Variants in TUSC3 observed in about 807,000 individuals in gnomAD.
The protein encoded by TUSC3 is dolichyl-diphosphooligosaccharide--protein glycosyltransferase subunit TUSC3.
Under a neutral mutation model 44.8 loss-of-function variants are expected in TUSC3, and 45 were observed. That is an observed-to-expected ratio of 1.00 (90% confidence interval 0.79 to 1.29). The LOEUF (loss-of-function observed/expected upper bound fraction) is 1.29. Among genes scored for constraint, TUSC3 ranks in the 50% most tolerant of loss-of-function variants. The pLI is 0.00. For synonymous variants in TUSC3, 212 were observed against 152.9 expected, an observed-to-expected ratio of 1.39 and a Z score of -2.85; for missense variants, 519 against 437.9, an observed-to-expected ratio of 1.19 and a Z score of -1.65.
intron 1 of TUSC3, among the ~76,000 whole-genome samples, chr8:15,482,495 G>T (rs1222117924): frequency 6.6e-6 from 1 of 152,166 alleles, no homozygotes. Flanking sequence ...TCACTGTTGA[G>T]ACCTGCTGCT....
chr8:15,553,267 T>C (rs1802119650), intron 1 of TUSC3, among the ~76,000 whole-genome samples: 1 of 151,684 alleles, frequency 6.6e-6, no homozygotes, highest in African/African-American at 2.4e-5. Flanking sequence ...TTCATGGTGG[T>C]GGATAAAAAT....
chr8:15,634,921 C>T lies in TUSC3; in HGVS notation c.308+11672C>T, dbSNP rs950982833. The stretch of plus-strand genomic sequence containing the variant: ...GACTGATTACATCCTTCACTTTGGC[C>T]TCCGTAGGCCACTGCAGGAGGGCTT... On this transcript the variant is annotated intron_variant, in intron 2 of 10. Coordinates refer to ENST00000503731, the MANE Select transcript of TUSC3 (RefSeq NM_006765.4). Among the ~76,000 whole-genome samples the T allele has an allele frequency of 2.6e-5, 4 of 152,192 alleles. No homozygotes were observed. The East Asian group carries it at 7.7e-4, about 29-fold the overall frequency.
chr8:15,842,094 A>C, the TUSC3 span, among the ~76,000 whole-genome samples: 1 of 152,206 alleles, frequency 6.6e-6, no homozygotes. Context: ...ATAATAAAAT[A>C]ATCAGTCAAC....
At chr8:15,581,048 C>G (rs888918108) in intron 1 of TUSC3, among the ~76,000 whole-genome samples, 11 of 119,000 alleles carry the variant, frequency 9.2e-5, no homozygotes, top group Admixed American at 5.4e-4. Context: ...AACTTCCCTT[C>G]TCGCTTCATT....
Position 15,719,495 on chromosome 8 carries a change from T to TCA in TUSC3, c.799-11151_799-11150dup, listed in dbSNP as rs60355164. Reference sequence around the variant, plus strand: ...CTTTGCACTTATAGTATACAGTTCATCACACACACACACACACACACCACA... The same window carrying TCA: ...CTTTGCACTTATAGTATACAGTTCATCACACACACACACACACACACACCACA... On this transcript the variant is annotated intron_variant, in intron 6 of 10. Transcript: ENST00000503731. Among the ~76,000 whole-genome samples the TCA allele has an allele frequency of 5.7e-3, 830 of 145,320 alleles. 8 individuals carry two copies. Among genetic ancestry groups the TCA allele is most frequent in the South Asian group, 0.022 (98 of 4,436 alleles).
At chr8:15,417,562 A>G (rs932620522) in intron 1 of TUSC3, among the ~76,000 whole-genome samples, 4 of 152,228 alleles carry the variant, frequency 2.6e-5, no homozygotes, top group Non-Finnish European at 4.4e-5. Context: ...AAGTCACTGA[A>G]GGCTTTCAAT....
the TUSC3 span, among the ~76,000 whole-genome samples, chr8:15,797,907 G>T: frequency 6.6e-6 from 1 of 151,636 alleles, no homozygotes; most frequent in Admixed American, 6.6e-5. Context: ...GTCCTGTTAG[G>T]TTTTTTTTTC....
intron 2 of TUSC3, among the ~76,000 whole-genome samples, chr8:15,508,323 A>C (rs1489554080): frequency 1.3e-5 from 2 of 152,112 alleles, no homozygotes; most frequent in African/African-American, 4.8e-5. Flanking sequence ...GTTGGATGTG[A>C]TATCCTATTA....
chr8:15,814,908 T>C, the TUSC3 span, among the ~76,000 whole-genome samples: 1 of 152,200 alleles, frequency 6.6e-6, no homozygotes, highest in Non-Finnish European at 1.5e-5. Context: ...CCTTGCATGC[T>C]AAATGTTGCT....
intron 1 of TUSC3, among the ~76,000 whole-genome samples, chr8:15,482,195 C>G (rs902533269): frequency 6.6e-6 from 1 of 152,162 alleles, no homozygotes; most frequent in African/African-American, 2.4e-5. Context: ...TCTCAGGCTC[C>G]ACTTCTAGTT....
chr8:15,778,024 A>G, the TUSC3 span, among the ~76,000 whole-genome samples: 2 of 151,124 alleles, frequency 1.3e-5, no homozygotes, highest in Non-Finnish European at 2.9e-5. Flanking sequence ...TACCAATCCT[A>G]GTAGGATTGT....
intron 2 of TUSC3, among the ~76,000 whole-genome samples, chr8:15,506,487 A>G (rs1801051777): frequency 6.6e-6 from 1 of 152,192 alleles, no homozygotes; most frequent in South Asian, 2.1e-4. Flanking sequence ...TCATGCTGTT[A>G]TGAAGAAATA....
chr8:15,583,379 A>G (rs890338334), intron 1 of TUSC3, among the ~76,000 whole-genome samples: 12 of 152,212 alleles, frequency 7.9e-5, no homozygotes, highest in African/African-American at 2.2e-4. Context: ...GCTAGCGCAG[A>G]GAAGATTGAC....
At position 15,729,999 on chromosome 8, in the gene TUSC3, A is replaced by G. The variant is rs1336687789; in HGVS notation, c.799-667A>G. Among the ~76,000 whole-genome samples, 5 of 152,202 alleles carry G rather than the reference A, an allele frequency of 3.3e-5. No individual in the cohort carries two copies. The East Asian group carries it at 9.7e-4, about 29-fold the overall frequency. On this transcript the variant is annotated intron_variant, in intron 6 of 10. Coordinates refer to ENST00000503731, the MANE Select transcript of TUSC3 (RefSeq NM_006765.4). ...TTTTTTTCTCCAGTTTTTTTATATA[A>G]ATAGAAAATAGGACATTTATTTAAA... is the stretch of plus-strand genomic sequence containing the variant.
chr8:15,833,412 C>T, the TUSC3 span, among the ~76,000 whole-genome samples: 85,742 of 152,024 alleles, frequency 0.56, 26,724 homozygotes, highest in Non-Finnish European at 0.72. Flanking sequence ...TACACACATA[C>T]GTTTATTCCA....
At chr8:15,618,436 T>C (rs1585158842) in intron 1 of TUSC3, among the ~76,000 whole-genome samples, 2 of 152,348 alleles carry the variant, frequency 1.3e-5, no homozygotes, top group South Asian at 4.1e-4. Context: ...TTTTATACTT[T>C]ATTGTTGAAA....
chr8:15,563,557 A>C (rs775618432), intron 1 of TUSC3, among the ~76,000 whole-genome samples: 13 of 151,890 alleles, frequency 8.6e-5, no homozygotes, highest in Non-Finnish European at 1.6e-4. Flanking sequence ...GTGGTGGCGC[A>C]TGCCTGTAAT....
chr8:15,522,352 C>G (rs899085202), intron 2 of TUSC3, among the ~76,000 whole-genome samples: 1 of 152,028 alleles, frequency 6.6e-6, no homozygotes, highest in South Asian at 2.1e-4. Context: ...TGTGCCTAAG[C>G]CTCCCAGGTA....
At chr8:15,689,179 A>G (rs1808779503) in intron 6 of TUSC3, 1 of 378,184 alleles carries the variant, frequency 2.6e-6, no homozygotes, top group East Asian at 7.9e-5. Flanking sequence ...TGCTTCGGAG[A>G]ATAAGCAGCA....
Sources: allele counts gnomAD v4.1 joint callset (sites outside exome capture counted in the v4.1 genomes callset), GRCh38; gene constraint gnomAD v4.1.1; transcripts MANE v1.5; gene names NCBI Gene and HGNC (gene_info 2026-07-23, HGNC 2026-07-21).